The following RILP variants were observed in gnomAD, a reference collection of about 807,000 sequenced individuals.
RILP encodes Rab interacting lysosomal protein, also known as rab-interacting lysosomal protein.
Under a neutral mutation model 40.0 loss-of-function variants are expected in RILP, and 53 were observed. That is an observed-to-expected ratio of 1.32 (90% confidence interval 1.06 to 1.66). The LOEUF (loss-of-function observed/expected upper bound fraction) is 1.66. Among genes scored for constraint, RILP ranks in the 40% most tolerant of loss-of-function variants. The probability of loss-of-function intolerance (pLI) is 0.00; values close to 1 mark genes in which losing one functional copy is unlikely to be tolerated. For missense variants in RILP, 626 were observed against 551.7 expected (o/e 1.13, Z -1.35); for synonymous variants, 272 against 250.6 (o/e 1.09, Z -0.80).
At position 1,649,156 on chromosome 17, in the gene RILP, A is replaced by G. The variant is rs1402357706; in HGVS notation, c.429+44T>C. Reference sequence around the variant, plus strand: ...CCCGGAGCCCCGCCCAGCGCCTGCCACGCTCCGCCCCCGCCCCGCCCCAGA... The same window carrying G: ...CCCGGAGCCCCGCCCAGCGCCTGCCGCGCTCCGCCCCCGCCCCGCCCCAGA... On this transcript the variant is annotated intron_variant, in intron 3 of 7. Transcript: ENST00000301336. The surrounding 1 kb of genome is among the most constrained non-coding windows in gnomAD (Gnocchi z 4.3). The G allele has an allele frequency of 1.2e-5, 8 of 692,498 alleles. No individual in the cohort carries two copies. Among genetic ancestry groups the G allele is most frequent in the Non-Finnish European group, 9.6e-6 (5 of 522,972 alleles). 42.9% of individuals were successfully genotyped at this position (692,498 alleles called of 1,614,324 possible).
chr17:1,646,292 C>T lies in RILP; in HGVS notation c.*150G>A, dbSNP rs571543569. 3 of 627,588 alleles carry T rather than the reference C, an allele frequency of 4.8e-6. No individual in the cohort carries two copies. The highest frequency in any genetic ancestry group is 7.7e-6 in the Non-Finnish European group (3 of 392,026). The allele number at this position is 627,588 out of a possible 1,614,324, so 38.9% of individuals were successfully genotyped here. A position where few individuals can be genotyped will look rare whatever the true frequency, so the allele number is the denominator to read the frequency against. On this transcript the variant is annotated 3_prime_UTR_variant, in exon 8 of 8. Coordinates refer to ENST00000301336, the MANE Select transcript of RILP (RefSeq NM_031430.3). This position sits in a 1 kb window ranked among gnomAD's most constrained non-coding sequence, Gnocchi z 4.3. The stretch of plus-strand genomic sequence containing the variant: ...ACTCTTATATCTGGCCCCAGAGGCT[C>T]GGTACAGAGACGTAGAGAGGGAGGC...
rs530867328 is a variant in RILP at position 1,646,611 on chromosome 17, A to G, written c.1037T>C (p.Leu346Pro). The change falls in exon 8 of 8, where the codon CTA becomes CCA. Residue 346 changes from leucine to proline, a missense_variant. Leu to Pro is a moderately conservative substitution (Grantham distance 98). Transcript: ENST00000301336. The surrounding 1 kb of genome is among the most constrained non-coding windows in gnomAD (Gnocchi z 4.3). Reference protein sequence around the residue: ...PESKIQSFFGLWYRGKAESSE... With the variant: ...PESKIQSFFGPWYRGKAESSE... Reference sequence around the variant, plus strand: ...GGATTCAGCTTTACCCCGATACCATAGGCCAAAGCTGGAGAGAGACAGCCA... The same window carrying G: ...GGATTCAGCTTTACCCCGATACCATGGGCCAAAGCTGGAGAGAGACAGCCA... 361 of 1,576,342 alleles carry G rather than the reference A, an allele frequency of 2.3e-4. 1 individual carries two copies. In the South Asian group the frequency reaches 4.0e-3, roughly 17 times the overall value.
At position 1,648,743 on chromosome 17, in the gene RILP, A is replaced by G. The variant is rs2151105931; in HGVS notation, c.675+56T>C. 6.9e-7 allele frequency: 1 copy of G among 1,444,950 alleles called. No homozygotes were observed. Among genetic ancestry groups the G allele is most frequent in the African/African-American group, 1.4e-5 (1 of 70,034 alleles). 89.5% of individuals were successfully genotyped at this position (1,444,950 alleles called of 1,614,324 possible). A position where few individuals can be genotyped will look rare whatever the true frequency, so the allele number is the denominator to read the frequency against. On this transcript the variant is annotated intron_variant, in intron 4 of 7. Coordinates refer to ENST00000301336, the MANE Select transcript of RILP (RefSeq NM_031430.3). This position sits in a 1 kb window ranked among gnomAD's most constrained non-coding sequence, Gnocchi z 4.9. Reference sequence around the variant, plus strand: ...GCATGCAAACCTTGCTTGAGTGCCCACCGAGGGCTGGACGCTGCGTCCTGG... The same window carrying G: ...GCATGCAAACCTTGCTTGAGTGCCCGCCGAGGGCTGGACGCTGCGTCCTGG...
chr17:1,648,324 G>T lies in RILP; in HGVS notation c.821+26C>A, dbSNP rs1555549337. The T allele has an allele frequency of 6.2e-7, 1 of 1,608,604 alleles. No individual in the cohort carries two copies. The highest frequency in any genetic ancestry group is 8.5e-7 in the Non-Finnish European group (1 of 1,177,522). On this transcript the variant is annotated intron_variant, in intron 5 of 7. Coordinates refer to ENST00000301336, the MANE Select transcript of RILP (RefSeq NM_031430.3). The surrounding 1 kb of genome is among the most constrained non-coding windows in gnomAD (Gnocchi z 4.9). The stretch of plus-strand genomic sequence containing the variant: ...GGAGAATGAGGTGGGGTGATCGGAG[G>T]CCCCCCGGCTTCCCAGCGTCCTCAC...
At position 1,648,911 on chromosome 17, in the gene RILP, G is replaced by T; in HGVS notation, c.563C>A (p.Pro188Gln). Residue 188 changes from proline (P) to glutamine (Q), a missense_variant, in exon 4 of 8, where the codon CCG becomes CAG. Pro to Gln is a moderately conservative substitution (Grantham distance 76). Transcript: ENST00000301336. The surrounding 1 kb of genome is among the most constrained non-coding windows in gnomAD (Gnocchi z 4.9). Reference sequence around the variant, plus strand: ...CCCCCGCGCTCGCTCTTTAGCCTGCGGAGTCGCGGCTTCGCCAGGCTGCTG... The same window carrying T: ...CCCCCGCGCTCGCTCTTTAGCCTGCTGAGTCGCGGCTTCGCCAGGCTGCTG... ...ERQQPGEAAT[P>Q]QAKERARGQA... is the part of the protein sequence containing the mutation. 1 of 1,523,358 alleles carries T rather than the reference G, an allele frequency of 6.6e-7. No individual in the cohort carries two copies. Among genetic ancestry groups the T allele is most frequent in the Non-Finnish European group, 8.8e-7 (1 of 1,142,356 alleles). 94.4% of individuals were successfully genotyped at this position (1,523,358 alleles called of 1,614,324 possible). A position where few individuals can be genotyped will look rare whatever the true frequency, so the allele number is the denominator to read the frequency against.
rs62088048 is a variant in RILP at position 1,646,317 on chromosome 17, C to T, written c.*125G>A. 27,085 of 867,612 alleles carry T rather than the reference C, an allele frequency of 0.031. 506 individuals carry two copies. The highest frequency in any genetic ancestry group is 0.054 in the Middle Eastern group (142 of 2,632). The allele number at this position is 867,612 out of a possible 1,614,324, so 53.7% of individuals were successfully genotyped here. A position where few individuals can be genotyped will look rare whatever the true frequency, so the allele number is the denominator to read the frequency against. ...CGGTACAGAGACGTAGAGAGGGAGGCGGGCTGAGACCCCGTCCTGCCCTGA... is the reference window on the plus strand; with the variant it reads ...CGGTACAGAGACGTAGAGAGGGAGGTGGGCTGAGACCCCGTCCTGCCCTGA... On this transcript the variant is annotated 3_prime_UTR_variant, in exon 8 of 8. Coordinates refer to ENST00000301336, the MANE Select transcript of RILP (RefSeq NM_031430.3). This position sits in a 1 kb window ranked among gnomAD's most constrained non-coding sequence, Gnocchi z 4.3.
chr17:1,646,438 TAA>T lies in RILP; in HGVS notation c.*2_*3del. ...ACACATCCTTCCACAGCCAGACCCC[TAA>T]GTCAGGCCTCTGGGGCGGCTGAGGC... On this transcript the variant is annotated 3_prime_UTR_variant, in exon 8 of 8. Coordinates refer to ENST00000301336, the MANE Select transcript of RILP (RefSeq NM_031430.3). The surrounding 1 kb of genome is among the most constrained non-coding windows in gnomAD (Gnocchi z 4.3). 1 of 1,563,520 alleles carries T rather than the reference TAA, an allele frequency of 6.4e-7. No individual in the cohort carries two copies. The highest frequency in any genetic ancestry group is 2.2e-5 in the East Asian group (1 of 44,458).
At position 1,648,479 on chromosome 17, in the gene RILP, T is replaced by A. The variant is rs774245024; in HGVS notation, c.692A>T (p.Gln231Leu). The change falls in exon 5 of 8, where the codon CAG becomes CTG. Residue 231 changes from glutamine (Q) to leucine (L), a missense_variant. Coordinates refer to ENST00000301336, the MANE Select transcript of RILP (RefSeq NM_031430.3). This position sits in a 1 kb window ranked among gnomAD's most constrained non-coding sequence, Gnocchi z 4.9. The part of the protein sequence containing the change: ...NPEDPAEAAQ[Q>L]LGRPSEAGQC... Reference sequence around the variant, plus strand: ...CCCTGCCTCCGAGGGGCGCCCGAGCTGCTGCGCGGCCTCCGCCTTTGGAAG... The same window carrying A: ...CCCTGCCTCCGAGGGGCGCCCGAGCAGCTGCGCGGCCTCCGCCTTTGGAAG... 6.2e-7 allele frequency: 1 copy of A among 1,613,474 alleles called. No individual in the cohort carries two copies. Among genetic ancestry groups the A allele is most frequent in the South Asian group, 1.1e-5 (1 of 91,050 alleles).
Position 1,647,912 on chromosome 17 carries a change from G to T in RILP, c.867C>A (p.Ala289=), listed in dbSNP as rs1039335329. ...GCTGCTTCCGGACAGCCACCTTCAT[G>T]GCCTCGAGCAGAAGGCCGGGGACCC... ...DHRVPGLLLE[A]MKVAVRKQRK... Residue 289 remains alanine (A), a synonymous_variant, in exon 6 of 8, where the codon GCC becomes GCA. Transcript: ENST00000301336. 1 of 1,614,164 alleles carries T rather than the reference G, an allele frequency of 6.2e-7. No individual in the cohort carries two copies. The highest frequency in any genetic ancestry group is 8.5e-7 in the Non-Finnish European group (1 of 1,180,026).
Position 1,646,745 on chromosome 17 carries a change from G to A in RILP, c.1029-126C>T. 6 of 1,131,872 alleles carry A rather than the reference G, an allele frequency of 5.3e-6. No homozygotes were observed. The highest frequency in any genetic ancestry group is 2.1e-4 in the Middle Eastern group (1 of 4,722). The allele number at this position is 1,131,872 out of a possible 1,614,324, so 70.1% of individuals were successfully genotyped here. A position where few individuals can be genotyped will look rare whatever the true frequency, so the allele number is the denominator to read the frequency against. On this transcript the variant is annotated intron_variant, in intron 7 of 7. Transcript: ENST00000301336. This position sits in a 1 kb window ranked among gnomAD's most constrained non-coding sequence, Gnocchi z 4.3. ...AAGGGCAGCCTGAGGGAGTGTGAAG[G>A]TGATGGGGGCCAGGGCCAGAGAAGC...
Position 1,646,624 on chromosome 17 carries a change from A to G in RILP, c.1029-5T>C. 1 of 1,564,684 alleles carries G rather than the reference A, an allele frequency of 6.4e-7. No homozygotes were observed. Among genetic ancestry groups the G allele is most frequent in the Non-Finnish European group, 8.7e-7 (1 of 1,154,368 alleles). Reference sequence around the variant, plus strand: ...CCCCGATACCATAGGCCAAAGCTGGAGAGAGACAGCCAGAGGCACTTTGAG... The same window carrying G: ...CCCCGATACCATAGGCCAAAGCTGGGGAGAGACAGCCAGAGGCACTTTGAG... On this transcript the variant is annotated splice_region_variant and splice_polypyrimidine_tract_variant and intron_variant, in intron 7 of 7. Transcript: ENST00000301336. The surrounding 1 kb of genome is among the most constrained non-coding windows in gnomAD (Gnocchi z 4.3).
In RILP at chr17:1,646,353, G is replaced by T. The variant is rs1910564822; in HGVS notation, c.*89C>A. On this transcript the variant is annotated 3_prime_UTR_variant, in exon 8 of 8. Transcript: ENST00000301336. The surrounding 1 kb of genome is among the most constrained non-coding windows in gnomAD (Gnocchi z 4.3). ...CCCGTCCTGCCCTGATGCAGGCCAG[G>T]ATTGGGGCAGACCCCTGGCGAGGGC... 3.8e-6 allele frequency: 5 copies of T among 1,327,426 alleles called. No homozygotes were observed. In the Admixed American group the frequency reaches 7.2e-5, roughly 19 times the overall value. 82.2% of individuals were successfully genotyped at this position (1,327,426 alleles called of 1,614,324 possible).
In RILP at chr17:1,646,930, G is replaced by C; in HGVS notation, c.1004C>G (p.Pro335Arg). ...LSDDKGDHPP[P>R]PESKIQSFFG... The stretch of plus-strand genomic sequence containing the variant: ...CAAACTCTGTATTTTGGACTCCGGG[G>C]GTGGGGGATGGTCTCCCTTGTCATC... Residue 335 changes from proline to arginine, a missense_variant, in exon 7 of 8, where the codon CCC (proline) becomes CGC (arginine). By Grantham distance (103) the Pro-to-Arg change is moderately radical. Coordinates refer to ENST00000301336, the MANE Select transcript of RILP (RefSeq NM_031430.3). The surrounding 1 kb of genome is among the most constrained non-coding windows in gnomAD (Gnocchi z 4.3). The C allele has an allele frequency of 6.2e-7, 1 of 1,607,830 alleles. No homozygotes were observed. Among genetic ancestry groups the C allele is most frequent in the Admixed American group, 1.7e-5 (1 of 59,404 alleles).
In RILP at chr17:1,648,129, C is replaced by T. The variant is rs933581201; in HGVS notation, c.822-172G>A. On this transcript the variant is annotated intron_variant, in intron 5 of 7. Transcript: ENST00000301336. The surrounding 1 kb of genome is among the most constrained non-coding windows in gnomAD (Gnocchi z 4.9). ...ACCCTCAGACCTTAAATTAGGTGGCCCCGTGGCCCCCTCCTAGGAGAGATT... is the reference window on the plus strand; with the variant it reads ...ACCCTCAGACCTTAAATTAGGTGGCTCCGTGGCCCCCTCCTAGGAGAGATT... 3.9e-5 allele frequency among the ~76,000 whole-genome samples: 6 copies of T among 152,216 alleles called. No homozygotes were observed. Among genetic ancestry groups the T allele is most frequent in the Non-Finnish European group, 8.8e-5 (6 of 68,036 alleles).
Position 1,649,633 on chromosome 17 carries a change from C to G in RILP, c.172G>C (p.Val58Leu), listed in dbSNP as rs1033152210. ...PEAAAGLVPL[V>L]VRALELLEQA... ...TCCAAGAGCTCCAGCGCCCGCACCA[C>G]TAGCGGCACCAGCCCGGCCGCCGCC... The change falls in exon 1 of 8, where the codon GTG becomes CTG. Residue 58 changes from valine (V) to leucine (L), a missense_variant. Coordinates refer to ENST00000301336, the MANE Select transcript of RILP (RefSeq NM_031430.3). This position sits in a 1 kb window ranked among gnomAD's most constrained non-coding sequence, Gnocchi z 4.3. 1 of 1,585,374 alleles carries G rather than the reference C, an allele frequency of 6.3e-7. No homozygotes were observed. Among genetic ancestry groups the G allele is most frequent in the Admixed American group, 1.7e-5 (1 of 58,512 alleles).
At position 1,648,769 on chromosome 17, in the gene RILP, G is replaced by A. The variant is rs374495471; in HGVS notation, c.675+30C>T. ...CCGAGGGCTGGACGCTGCGTCCTGG[G>A]CTGGGTCCTTGCCCTCATACGGCAC... On this transcript the variant is annotated intron_variant, in intron 4 of 7. Transcript: ENST00000301336. This position sits in a 1 kb window ranked among gnomAD's most constrained non-coding sequence, Gnocchi z 4.9. 1.3e-3 allele frequency: 1,885 copies of A among 1,486,018 alleles called. 4 individuals carry two copies. Among genetic ancestry groups the A allele is most frequent in the Non-Finnish European group, 1.6e-3 (1,807 of 1,126,510 alleles). The allele number at this position is 1,486,018 out of a possible 1,614,324, so 92.1% of individuals were successfully genotyped here.
At position 1,646,930 on chromosome 17, in the gene RILP, G is replaced by A. The variant is rs373074380; in HGVS notation, c.1004C>T (p.Pro335Leu). ...LSDDKGDHPP[P>L]PESKIQSFFG... ...CAAACTCTGTATTTTGGACTCCGGG[G>A]GTGGGGGATGGTCTCCCTTGTCATC... The change falls in exon 7 of 8, where the codon CCC becomes CTC. Residue 335 changes from proline to leucine, a missense_variant. Pro to Leu is a moderately conservative substitution (Grantham distance 98). Transcript: ENST00000301336. The surrounding 1 kb of genome is among the most constrained non-coding windows in gnomAD (Gnocchi z 4.3). 14 of 1,607,830 alleles carry A rather than the reference G, an allele frequency of 8.7e-6. No homozygotes were observed. In the African/African-American group the frequency reaches 1.2e-4, roughly 14 times the overall value.
Position 1,649,830 on chromosome 17 carries a change from C to G in RILP, c.-26G>C. The G allele has an allele frequency of 6.8e-7, 1 of 1,473,844 alleles. No individual in the cohort carries two copies. Among genetic ancestry groups the G allele is most frequent in the Non-Finnish European group, 9.1e-7 (1 of 1,103,046 alleles). The allele number at this position is 1,473,844 out of a possible 1,614,324, so 91.3% of individuals were successfully genotyped here. ...GTCTCCCAGAGGCTTAGGGCTGCGA[C>G]CCCCCCACCCCACCCTCCACTGGGA... On this transcript the variant is annotated 5_prime_UTR_variant, in exon 1 of 8. Transcript: ENST00000301336. The surrounding 1 kb of genome is among the most constrained non-coding windows in gnomAD (Gnocchi z 4.3).
Position 1,648,428 on chromosome 17 carries a change from A to G in RILP, c.743T>C (p.Phe248Ser). Residue 248 changes from phenylalanine to serine, a missense_variant, in exon 5 of 8, where the codon TTT (phenylalanine) becomes TCT (serine). Physicochemically the swap from Phe to Ser is radical, Grantham distance 155. Coordinates refer to ENST00000301336, the MANE Select transcript of RILP (RefSeq NM_031430.3). The surrounding 1 kb of genome is among the most constrained non-coding windows in gnomAD (Gnocchi z 4.9). ...ATTCCGCTCCTGAAGGATCTGCTCA[A>G]ACTCCTCCCGACTGAAGCGGCACTG... ...AGQCRFSREE[F>S]EQILQERNEL... 6.2e-7 allele frequency: 1 copy of G among 1,614,086 alleles called. No homozygotes were observed. The highest frequency in any genetic ancestry group is 8.5e-7 in the Non-Finnish European group (1 of 1,179,996).
Sources: allele counts gnomAD v4.1 joint callset (sites outside exome capture counted in the v4.1 genomes callset), GRCh38; gene constraint gnomAD v4.1.1; non-coding constraint Gnocchi (gnomAD v3.1); transcripts MANE v1.5; gene names NCBI Gene and HGNC (gene_info 2026-07-23, HGNC 2026-07-21).